Variants in VSIG1 observed in about 807,000 individuals in gnomAD.
VSIG1 encodes V-set and immunoglobulin domain containing 1.
VSIG1 carries 11 observed loss-of-function variants against 20.1 expected under a neutral mutation model. The observed-to-expected ratio is 0.55, with a 90% CI of 0.34 to 0.91. VSIG1 has a LOEUF of 0.91. VSIG1 is among the 40% of genes least tolerant of loss of function. The pLI is 0.02. For synonymous variants in VSIG1, 126 were observed against 116.7 expected (o/e 1.08, Z -0.52); for missense variants, 283 against 298.8 (o/e 0.95, Z 0.39).
At chrX:108,044,619 C>A (rs1569286249), upstream of VSIG1, among the ~76,000 whole-genome samples, 1 of 111,498 alleles carries the variant, frequency 9.0e-6, no homozygotes, top group Non-Finnish European at 1.9e-5. Flanking sequence ...AGCTTCATAA[C>A]CCCTGTGCCC....
chrX:108,038,929 T>A, the VSIG1 span, among the ~76,000 whole-genome samples: 1 of 112,092 alleles, frequency 8.9e-6, no homozygotes, highest in East Asian at 2.8e-4. Flanking sequence ...GAATTAATGA[T>A]ATTTTTCCAT....
At chrX:108,035,369 G>A in the VSIG1 span, among the ~76,000 whole-genome samples, 1 of 111,023 alleles carries the variant, frequency 9.0e-6, no homozygotes, top group Non-Finnish European at 1.9e-5. Flanking sequence ...CAAAGTGCTG[G>A]GATTACAGTA....
chrX:108,044,190 A>G (rs986002142), upstream of VSIG1, among the ~76,000 whole-genome samples: 4 of 111,444 alleles, frequency 3.6e-5, no homozygotes, highest in Non-Finnish European at 3.8e-5. Context: ...GGAGATGGAA[A>G]TGATAGGACT....
the VSIG1 span, among the ~76,000 whole-genome samples, chrX:108,021,161 AC>A: frequency 1.8e-5 from 2 of 111,480 alleles, no homozygotes; most frequent in African/African-American, 6.5e-5. Context: ...TTTTCTATGC[AC>A]TTAGTGCTGG....
At chrX:108,057,382 C>T (rs868652570) in intron 1 of VSIG1, among the ~76,000 whole-genome samples, 4 of 111,656 alleles carry the variant, frequency 3.6e-5, no homozygotes, top group Admixed American at 1.9e-4. Flanking sequence ...TGTGCATGTG[C>T]ACACACACAG....
chrX:108,024,505 A>G, the VSIG1 span, among the ~76,000 whole-genome samples: 51,715 of 105,179 alleles, frequency 0.49, 10,262 homozygotes, highest in African/African-American at 0.66. Flanking sequence ...GTTTCTTCTT[A>G]TTTTCCTAGT....
the VSIG1 span, among the ~76,000 whole-genome samples, chrX:108,031,976 T>C: frequency 8.9e-6 from 1 of 112,131 alleles, no homozygotes; most frequent in African/African-American, 3.2e-5. Context: ...TCTGGCCCCA[T>C]ATGGTAAAGC....
the VSIG1 span, among the ~76,000 whole-genome samples, chrX:108,039,712 G>A: frequency 9.1e-6 from 1 of 110,177 alleles, no homozygotes; most frequent in African/African-American, 3.3e-5. Context: ...ATGAAGAGGG[G>A]GGCAGCAAAG....
At chrX:108,032,319 A>G in the VSIG1 span, among the ~76,000 whole-genome samples, 1 of 112,284 alleles carries the variant, frequency 8.9e-6, no homozygotes, top group Non-Finnish European at 1.9e-5. Flanking sequence ...ATTTATGTAA[A>G]CATGCACCGC....
intron 3 of VSIG1, among the ~76,000 whole-genome samples, chrX:108,067,643 T>A (rs2031159633): frequency 8.9e-6 from 1 of 112,520 alleles, no homozygotes; most frequent in Non-Finnish European, 1.9e-5. Flanking sequence ...AATCTAGTGT[T>A]GAGAATCAAC....
In VSIG1 at chrX:108,047,784, C is replaced by CTA. The variant is rs1402845178; in HGVS notation, c.49+2606_49+2607insAT. 5.6e-4 allele frequency among the ~76,000 whole-genome samples: 36 copies of CTA among 64,282 alleles called. 1 individual carries two copies. The highest frequency in any genetic ancestry group is 2.7e-3 in the Admixed American group (16 of 5,840). The allele number at this position is 64,282 out of a possible 115,157, so 55.8% of individuals were successfully genotyped here. A position where few individuals can be genotyped will look rare whatever the true frequency, so the allele number is the denominator to read the frequency against. ...AGACATTCTCTCTCTCTCTCTCTCT[C>CTA]TCTCTCTATATATATATATATATAC... is the stretch of plus-strand genomic sequence containing the variant. On this transcript the variant is annotated intron_variant, in intron 1 of 6. Coordinates refer to ENST00000217957, the MANE Select transcript of VSIG1 (RefSeq NM_182607.5).
At chrX:108,020,299 C>T in the VSIG1 span, among the ~76,000 whole-genome samples, 2 of 111,440 alleles carry the variant, frequency 1.8e-5, no homozygotes, top group Admixed American at 9.5e-5. Context: ...TTGGAAGCCG[C>T]TAATAAATTT....
At chrX:108,062,052 TA>T (rs2031038630) in intron 2 of VSIG1, among the ~76,000 whole-genome samples, 1 of 110,295 alleles carries the variant, frequency 9.1e-6, no homozygotes, top group South Asian at 4.0e-4. Context: ...CTGAAAACTC[TA>T]GGCCAGGTAT....
intron 5 of VSIG1, 32 bp downstream of exon 5, chrX:108,073,401 C>T (rs761019974): frequency 1.9e-5 from 23 of 1,200,556 alleles, no homozygotes; most frequent in Non-Finnish European, 2.6e-5. Flanking sequence ...AACGGTTTCT[C>T]CTTAAATCAA....
chrX:108,058,611 G>A (rs763165645), intron 2 of VSIG1, among the ~76,000 whole-genome samples: 21 of 111,438 alleles, frequency 1.9e-4, no homozygotes, highest in African/African-American at 5.5e-4. Flanking sequence ...TAATATCTAG[G>A]ATCTGGCTGT....
chrX:108,063,811 T>G (rs774386719), intron 2 of VSIG1, among the ~76,000 whole-genome samples: 1 of 111,272 alleles, frequency 9.0e-6, no homozygotes, highest in South Asian at 3.9e-4. Flanking sequence ...AAGCACAAAG[T>G]GCAGGTGGGT....
rs1017996147 is a variant in VSIG1 at position 108,047,178 on chromosome X, G to A, written c.49+1999G>A. On this transcript the variant is annotated intron_variant, in intron 1 of 6. Coordinates refer to ENST00000217957, the MANE Select transcript of VSIG1 (RefSeq NM_182607.5). Reference sequence around the variant, plus strand: ...TGTTAAGCGTGGTGCCTAACACATAGTGGATGCATAGTAAATGTTTGTTGA... The same window carrying A: ...TGTTAAGCGTGGTGCCTAACACATAATGGATGCATAGTAAATGTTTGTTGA... Among the ~76,000 whole-genome samples the A allele has an allele frequency of 1.8e-5, 2 of 111,504 alleles. 1 individual carries two copies. Among genetic ancestry groups the A allele is most frequent in the Non-Finnish European group, 3.8e-5 (2 of 53,130 alleles).
chrX:108,054,971 C>A (rs2030864603), intron 1 of VSIG1, among the ~76,000 whole-genome samples: 1 of 106,908 alleles, frequency 9.4e-6, no homozygotes, highest in African/African-American at 3.4e-5. Flanking sequence ...GAGCTGAAAT[C>A]AATGAATTTG....
At chrX:108,019,510 A>C in the VSIG1 span, among the ~76,000 whole-genome samples, 40,855 of 111,344 alleles carry the variant, frequency 0.37, 5,779 homozygotes, top group Non-Finnish European at 0.42. Flanking sequence ...GTTGCCTTCC[A>C]TGGGAGCAGC....
Sources: allele counts gnomAD v4.1 joint callset (sites outside exome capture counted in the v4.1 genomes callset), GRCh38; gene constraint gnomAD v4.1.1; transcripts MANE v1.5; gene names NCBI Gene and HGNC (gene_info 2026-07-23, HGNC 2026-07-21).